CHST9: variants seen among roughly 807,000 people sequenced by gnomAD.
The protein encoded by CHST9 is carbohydrate sulfotransferase 9.
A neutral mutation model predicts 44.4 loss-of-function variants in CHST9; 41 were observed. The observed-to-expected ratio is 0.92, with a 90% confidence interval of 0.72 to 1.20. The LOEUF (loss-of-function observed/expected upper bound fraction) is 1.20, where lower values mean the gene tolerates loss of function less well. Ranked by LOEUF, CHST9 falls within the 50% of genes most tolerant of loss-of-function variation. The pLI is 0.00. For missense variants in CHST9, 504 were observed against 516.5 expected, an observed-to-expected ratio of 0.98 and a Z score of 0.23; for synonymous variants, 171 against 178.4, an observed-to-expected ratio of 0.96 and a Z score of 0.33.
At position 26,916,712 on chromosome 18, in the gene CHST9, TTTG is replaced by T; in HGVS notation, c.876_878del (p.Asp292_Lys293delinsGlu). The T allele has an allele frequency of 1.2e-6, 2 of 1,613,912 alleles. No individual in the cohort carries two copies. The highest frequency in any genetic ancestry group is 1.7e-6 in the Non-Finnish European group (2 of 1,179,830). On this transcript the variant is annotated inframe_deletion, in exon 6 of 6. Transcript: ENST00000618847. ...GGTAATAACTATTGGGGTGTTCAAATTTGTCCCTAAAGGCTGATACTAATCTTT... is the reference window on the plus strand; with the variant it reads ...GGTAATAACTATTGGGGTGTTCAAATTCCCTAAAGGCTGATACTAATCTTT...
At chr18:27,150,612 A>G (rs1476235593) in intron 1 of CHST9, among the ~76,000 whole-genome samples, 3 of 152,152 alleles carry the variant, frequency 2.0e-5, no homozygotes, top group Non-Finnish European at 4.4e-5. Context: ...AGTCCTGGTT[A>G]TGTCTTCCTG....
At chr18:26,927,405 C>T (rs188196607) in intron 5 of CHST9, among the ~76,000 whole-genome samples, 54 of 152,074 alleles carry the variant, frequency 3.6e-4, no homozygotes, top group Admixed American at 2.8e-3. Context: ...AGGGGATCCG[C>T]GCTCAGCATA....
chr18:26,948,921 C>T (rs191360421), intron 4 of CHST9, among the ~76,000 whole-genome samples: 371 of 152,142 alleles, frequency 2.4e-3, no homozygotes, highest in Middle Eastern at 3.4e-3. Flanking sequence ...ATGTAATACA[C>T]GCATACACTT....
intron 2 of CHST9, among the ~76,000 whole-genome samples, chr18:27,131,708 C>A (rs1235406449): frequency 1.3e-5 from 2 of 152,064 alleles, no homozygotes; most frequent in African/African-American, 2.4e-5. Context: ...TCTGACACAA[C>A]AGACTTTTTG....
At chr18:27,031,042 T>C (rs1353353878) in intron 3 of CHST9, among the ~76,000 whole-genome samples, 1 of 152,234 alleles carries the variant, frequency 6.6e-6, no homozygotes, top group Non-Finnish European at 1.5e-5. Flanking sequence ...TTACTTCATG[T>C]AATTCTCACA....
At chr18:27,089,179 T>C (rs1005459442) in intron 2 of CHST9, among the ~76,000 whole-genome samples, 2 of 152,150 alleles carry the variant, frequency 1.3e-5, no homozygotes, top group African/African-American at 2.4e-5. Context: ...CTAGCGTACA[T>C]GTGCACAACG....
At chr18:26,952,223 G>C (rs1360451904) in intron 4 of CHST9, 1 of 527,108 alleles carries the variant, frequency 1.9e-6, no homozygotes, top group Non-Finnish European at 3.8e-6. Flanking sequence ...ACCAAACAAG[G>C]CTCCCCGGAC....
chr18:26,967,792 G>C (rs567557885), intron 4 of CHST9, among the ~76,000 whole-genome samples: 9 of 152,290 alleles, frequency 5.9e-5, no homozygotes, highest in Non-Finnish European at 1.2e-4. Context: ...GGGAAGGGTA[G>C]ACCCACCCTC....
rs536951023 is a variant in CHST9, at chr18:26,960,560, G to A, written c.203-16194C>T. Among the ~76,000 whole-genome samples the A allele has an allele frequency of 1.9e-4, 29 of 152,320 alleles. No homozygotes were observed. The South Asian group carries it at 3.7e-3, about 20-fold the overall frequency. On this transcript the variant is annotated intron_variant, in intron 4 of 5. Coordinates refer to ENST00000618847, the MANE Select transcript of CHST9 (RefSeq NM_031422.6). Reference sequence around the variant, plus strand: ...TAAGGAATGTTTAGAATTTATCGGAGAACAACAGAATTGTTTATGCCTAGC... The same window carrying A: ...TAAGGAATGTTTAGAATTTATCGGAAAACAACAGAATTGTTTATGCCTAGC...
rs200839830 is a variant in CHST9, at chr18:26,957,566, C to CAA, written c.203-13202_203-13201dup. ...GTATTCATTGTTTATAACTACACTG[C>CAA]AAAAAAAAAAAAAAATAGCCAAGCA... On this transcript the variant is annotated intron_variant, in intron 4 of 5. Coordinates refer to ENST00000618847, the MANE Select transcript of CHST9 (RefSeq NM_031422.6). 7.6e-3 allele frequency among the ~76,000 whole-genome samples: 1,079 copies of CAA among 141,690 alleles called. 7 individuals are homozygous for CAA. Among genetic ancestry groups the CAA allele is most frequent in the African/African-American group, 0.013 (501 of 37,942 alleles). 93.0% of individuals were successfully genotyped at this position (141,690 alleles called of 152,430 possible).
At chr18:26,952,730 C>T (rs1207130201) in intron 4 of CHST9, among the ~76,000 whole-genome samples, 2 of 152,050 alleles carry the variant, frequency 1.3e-5, no homozygotes, top group Non-Finnish European at 2.9e-5. Context: ...ATATTCATTC[C>T]AAAAAATATA....
chr18:26,910,746 T>C lies in CHST9; in HGVS notation c.*5513A>G, dbSNP rs1014851256. The C allele has an allele frequency of 1.3e-5, 2 of 152,208 alleles. No individual in the cohort carries two copies. Among genetic ancestry groups the C allele is most frequent in the Non-Finnish European group, 2.9e-5 (2 of 68,034 alleles). 9.4% of individuals were successfully genotyped at this position (152,208 alleles called of 1,614,324 possible). On this transcript the variant is annotated 3_prime_UTR_variant, in exon 6 of 6. Transcript: ENST00000618847. ...GCCAGAGAGACTGTTATTAAACCTC[T>C]TTGATACTCAGTTTTCTCATTCATG...
intron 1 of CHST9, among the ~76,000 whole-genome samples, chr18:27,170,189 A>G (rs2143955026): frequency 6.6e-6 from 1 of 152,322 alleles, no homozygotes; most frequent in African/African-American, 2.4e-5. Flanking sequence ...TAGGTGGGAT[A>G]TGAGCAGAAG....
At chr18:27,123,852 G>A (rs1486093932) in intron 2 of CHST9, among the ~76,000 whole-genome samples, 1 of 152,138 alleles carries the variant, frequency 6.6e-6, no homozygotes, top group African/African-American at 2.4e-5. Context: ...GCCAAGCAGA[G>A]AAAATACTAT....
At position 27,142,788 on chromosome 18, in the gene CHST9, T is replaced by C. The variant is rs747012121; in HGVS notation, c.22A>G (p.Met8Val). The C allele has an allele frequency of 5.2e-5, 84 of 1,610,514 alleles. No homozygotes were observed. In the Admixed American group the frequency reaches 6.9e-4, roughly 13 times the overall value. The change falls in exon 2 of 6, where the codon ATG becomes GTG. Residue 8 changes from methionine (M) to valine (V), a missense_variant. By Grantham distance (21) the Met-to-Val change is conservative. Coordinates refer to ENST00000618847, the MANE Select transcript of CHST9 (RefSeq NM_031422.6). Reference sequence around the variant, plus strand: ...GAGAGGAAGACTTGTTTGGGGTTCATGACCATTTCAGATGGCTGCATTTCT... The same window carrying C: ...GAGAGGAAGACTTGTTTGGGGTTCACGACCATTTCAGATGGCTGCATTTCT... MQPSEMV[M>V]NPKQVFLSVL...
intron 2 of CHST9, among the ~76,000 whole-genome samples, chr18:27,131,842 C>G (rs531985195): frequency 2.0e-5 from 3 of 152,170 alleles, no homozygotes; most frequent in Non-Finnish European, 4.4e-5. Context: ...TTCCTTTCTG[C>G]GAATCCAAAT....
chr18:26,926,936 T>G (rs1249760639), intron 5 of CHST9, among the ~76,000 whole-genome samples: 1 of 152,244 alleles, frequency 6.6e-6, no homozygotes. Flanking sequence ...GGATTTTAGA[T>G]ATCTAATGGA....
rs536198256 is a variant in CHST9, at chr18:27,021,217, A to G, written c.202+2899T>C. On this transcript the variant is annotated intron_variant, in intron 4 of 5. Coordinates refer to ENST00000618847, the MANE Select transcript of CHST9 (RefSeq NM_031422.6). ...GGGTCAGGCAGGGGTCTGGCTGGCC[A>G]CTGTCCTAAATCTGAGCAGTAGCGT... is the stretch of plus-strand genomic sequence containing the variant. Among the ~76,000 whole-genome samples the G allele has an allele frequency of 5.3e-5, 8 of 152,204 alleles. No individual in the cohort carries two copies. The South Asian group carries it at 1.7e-3, about 32-fold the overall frequency.
At chr18:27,044,827 G>T (rs529379787) in intron 3 of CHST9, among the ~76,000 whole-genome samples, 1 of 150,598 alleles carries the variant, frequency 6.6e-6, no homozygotes, top group Non-Finnish European at 1.5e-5. Context: ...ACAGATGGAA[G>T]ATTTTATTCA....
Sources: gnomAD v4.1 joint callset for allele counts (sites outside exome capture counted in the v4.1 genomes callset) on GRCh38, gnomAD v4.1.1 for gene constraint, MANE v1.5 for transcripts, NCBI Gene and HGNC (gene_info 2026-07-23, HGNC 2026-07-21) for gene names.